HSD11B1L: variants seen among roughly 807,000 people sequenced by gnomAD.
HSD11B1L encodes the protein hydroxysteroid 11-beta dehydrogenase 1 like.
In HSD11B1L, 22 loss-of-function variants were observed where a neutral mutation model predicts 27.0. The observed-to-expected ratio is 0.81, with a 90% CI of 0.58 to 1.16. HSD11B1L has a LOEUF of 1.16. Among genes scored for constraint, HSD11B1L ranks in the 50% most tolerant of loss-of-function variants. HSD11B1L has a pLI of 0.00. For synonymous variants in HSD11B1L, 187 were observed against 189.2 expected, an observed-to-expected ratio of 0.99 and a Z score of 0.09; for missense variants, 372 against 401.8, an observed-to-expected ratio of 0.93 and a Z score of 0.63.
At chr19:5,681,344 G>A (rs2054538868) in intron 1 of HSD11B1L, 73 bp downstream of exon 1, 1 of 152,458 alleles carries the variant, frequency 6.6e-6, no homozygotes, top group East Asian at 1.9e-4. Context: ...AAGGCCCGCC[G>A]AGGTCAAGAA....
intron 3 of HSD11B1L, 103 bp from the exon 4 acceptor site, chr19:5,686,313 G>T (rs1039257609): frequency 2.7e-5 from 21 of 765,414 alleles, no homozygotes; most frequent in Non-Finnish European, 4.2e-5. Context: ...CTCAGAGTAG[G>T]GGGGGGTTTT....
chr19:5,684,236 G>A (rs541309659), intron 1 of HSD11B1L: 64 of 337,682 alleles, frequency 1.9e-4, no homozygotes, highest in East Asian at 1.3e-3. Flanking sequence ...GGCTGGTCTC[G>A]AACTCCTGAT....
chr19:5,685,426 A>C lies in HSD11B1L; in HGVS notation c.204+307A>C. 2.2e-6 allele frequency: 1 copy of C among 452,974 alleles called. No individual in the cohort carries two copies. Among genetic ancestry groups the C allele is most frequent in the Non-Finnish European group, 4.2e-6 (1 of 236,194 alleles). The allele number at this position is 452,974 out of a possible 1,614,324, so 28.1% of individuals were successfully genotyped here. A position where few individuals can be genotyped will look rare whatever the true frequency, so the allele number is the denominator to read the frequency against. On this transcript the variant is annotated intron_variant, in intron 3 of 7. Coordinates refer to ENST00000339423, the MANE Select transcript of HSD11B1L (RefSeq NM_198706.3). This position sits in a 1 kb window ranked among gnomAD's most constrained non-coding sequence, Gnocchi z 4.3. ...CCTGGTCTCTACTAAGAAGACAAAA[A>C]TTAGGCCAGGCATGGTGGCTCATGC...
At chr19:5,684,046 G>A (rs1214124802) in intron 1 of HSD11B1L, 5 of 485,512 alleles carry the variant, frequency 1.0e-5, no homozygotes, top group East Asian at 3.5e-5. Flanking sequence ...GCAAATCTCG[G>A]CACACTACAA....
chr19:5,681,793 A>G (rs1377556548), intron 1 of HSD11B1L, among the ~76,000 whole-genome samples: 2 of 151,902 alleles, frequency 1.3e-5, no homozygotes, highest in Non-Finnish European at 2.9e-5. Context: ...CCATCCATCT[A>G]TTCATCTGGC....
Position 5,687,357 on chromosome 19 carries a change from G to T in HSD11B1L, c.484G>T (p.Val162Leu), listed in dbSNP as rs747520012. ...GACGGACAGCAAGGGCTCCCTGGTG[G>T]TGGTGTCCTCGCTGCTCGGTGCGTG... Reference protein sequence around the residue: ...SLTDSKGSLVVVSSLLGRVPT... With the variant: ...SLTDSKGSLVLVSSLLGRVPT... The change falls in exon 6 of 8, where the codon GTG becomes TTG. Residue 162 changes from valine to leucine, a missense_variant. Physicochemically the swap from Val to Leu is conservative, Grantham distance 32 (BLOSUM62 1). Coordinates refer to ENST00000339423, the MANE Select transcript of HSD11B1L (RefSeq NM_198706.3). This position sits in a 1 kb window ranked among gnomAD's most constrained non-coding sequence, Gnocchi z 6.6. 1.9e-6 allele frequency: 3 copies of T among 1,612,472 alleles called. No homozygotes were observed. In the East Asian group the frequency reaches 6.7e-5, roughly 36 times the overall value.
Position 5,687,068 on chromosome 19 carries a change from T to A in HSD11B1L, c.408+77T>A. 4 of 1,339,538 alleles carry A rather than the reference T, an allele frequency of 3.0e-6. No individual in the cohort carries two copies. The highest frequency in any genetic ancestry group is 4.1e-6 in the Non-Finnish European group (4 of 973,766). 83.0% of individuals were successfully genotyped at this position (1,339,538 alleles called of 1,614,324 possible). A position where few individuals can be genotyped will look rare whatever the true frequency, so the allele number is the denominator to read the frequency against. ...GGTCCGTTCCCTTCGCGGTCCGGGT[T>A]CTGCCTTCTCCAGGGAGGGCTCTCC... is the stretch of plus-strand genomic sequence containing the variant. On this transcript the variant is annotated intron_variant, in intron 5 of 7. Transcript: ENST00000339423. The surrounding 1 kb of genome is among the most constrained non-coding windows in gnomAD (Gnocchi z 6.6).
At chr19:5,686,558 G>C (rs753305620) in intron 4 of HSD11B1L, 31 bp downstream of exon 4, 1 of 1,520,208 alleles carries the variant, frequency 6.6e-7, no homozygotes, top group Non-Finnish European at 8.9e-7. Context: ...CCTGGAGTCC[G>C]GGACCGTGGC....
intron 2 of HSD11B1L, 40 bp downstream of exon 2, chr19:5,684,945 C>T (rs1243479734): frequency 6.2e-7 from 1 of 1,612,572 alleles, no homozygotes; most frequent in East Asian, 2.2e-5. Flanking sequence ...ACCGGGCCAG[C>T]TGTCCTGTCC....
In HSD11B1L at chr19:5,687,694, G is replaced by A; in HGVS notation, c.668+26G>A. On this transcript the variant is annotated intron_variant, in intron 7 of 7. Transcript: ENST00000339423. This position sits in a 1 kb window ranked among gnomAD's most constrained non-coding sequence, Gnocchi z 6.6. ...GTGAGGCCCGGACAAGCTGGGGGCT[G>A]GGCTGGGGGCCATGGCCCAGCCCCA... The A allele has an allele frequency of 6.5e-7, 1 of 1,547,752 alleles. No homozygotes were observed. Among genetic ancestry groups the A allele is most frequent in the Non-Finnish European group, 8.7e-7 (1 of 1,151,594 alleles).
Position 5,687,107 on chromosome 19 carries a change from C to G in HSD11B1L, c.408+116C>G. ...GGAGGGCTCTCCACCCGTCCCGCCCCAGCCACGCCCCTCCTAGCCCAAGCC... is the reference window on the plus strand; with the variant it reads ...GGAGGGCTCTCCACCCGTCCCGCCCGAGCCACGCCCCTCCTAGCCCAAGCC... On this transcript the variant is annotated intron_variant, in intron 5 of 7. Coordinates refer to ENST00000339423, the MANE Select transcript of HSD11B1L (RefSeq NM_198706.3). The surrounding 1 kb of genome is among the most constrained non-coding windows in gnomAD (Gnocchi z 6.6). The G allele has an allele frequency of 8.7e-6, 10 of 1,143,358 alleles. No homozygotes were observed. Among genetic ancestry groups the G allele is most frequent in the Non-Finnish European group, 1.2e-5 (10 of 805,740 alleles). 70.8% of individuals were successfully genotyped at this position (1,143,358 alleles called of 1,614,324 possible). A position where few individuals can be genotyped will look rare whatever the true frequency, so the allele number is the denominator to read the frequency against.
rs2054766474 is a variant in HSD11B1L at position 5,688,364 on chromosome 19, T to G, written c.*419T>G. ...AGGAACCCCCCCAACTCCTGCCAGC[T>G]TCCCCTAGCTGGGGTCTCTGGTACT... On this transcript the variant is annotated 3_prime_UTR_variant, in exon 8 of 8. Coordinates refer to ENST00000339423, the MANE Select transcript of HSD11B1L (RefSeq NM_198706.3). The G allele has an allele frequency of 1.6e-6, 1 of 642,764 alleles. No individual in the cohort carries two copies. Among genetic ancestry groups the G allele is most frequent in the Non-Finnish European group, 2.7e-6 (1 of 376,682 alleles). The allele number at this position is 642,764 out of a possible 1,614,324, so 39.8% of individuals were successfully genotyped here.
At chr19:5,683,823 G>A (rs2054616584) in intron 1 of HSD11B1L, among the ~76,000 whole-genome samples, 1 of 152,034 alleles carries the variant, frequency 6.6e-6, no homozygotes, top group African/African-American at 2.4e-5. Flanking sequence ...GAGCCCAAGA[G>A]GTCCAGGCTG....
At position 5,684,840 on chromosome 19, in the gene HSD11B1L, T is replaced by C. The variant is rs1170176637; in HGVS notation, c.8T>C (p.Val3Ala). 1 of 1,613,752 alleles carries C rather than the reference T, an allele frequency of 6.2e-7. No individual in the cohort carries two copies. Among genetic ancestry groups the C allele is most frequent in the South Asian group, 1.1e-5 (1 of 91,088 alleles). ...GCAGGCCCACACAGGACCATGAAGG[T>C]GCTTCTCCTCACAGGGCTGGGGGCC... is the stretch of plus-strand genomic sequence containing the variant. Reference protein sequence around the residue: MKVLLLTGLGALF... With the variant: MKALLLTGLGALF... Residue 3 changes from valine (V) to alanine (A), a missense_variant, in exon 2 of 8, where the codon GTG becomes GCG. Coordinates refer to ENST00000339423, the MANE Select transcript of HSD11B1L (RefSeq NM_198706.3).
rs925980214 is a variant in HSD11B1L at position 5,687,448 on chromosome 19, G to A, written c.503-55G>A. On this transcript the variant is annotated intron_variant, in intron 6 of 7. Coordinates refer to ENST00000339423, the MANE Select transcript of HSD11B1L (RefSeq NM_198706.3). This position sits in a 1 kb window ranked among gnomAD's most constrained non-coding sequence, Gnocchi z 6.6. The stretch of plus-strand genomic sequence containing the variant: ...GATGCGGGTGAGCCTGGAGGGTCTG[G>A]GCAGGCTTCCCGGACGAGGGGGAGC... The A allele has an allele frequency of 3.1e-6, 5 of 1,592,746 alleles. No homozygotes were observed. Among genetic ancestry groups the A allele is most frequent in the Non-Finnish European group, 4.3e-6 (5 of 1,173,778 alleles).
intron 3 of HSD11B1L, 96 bp from the exon 4 acceptor site, chr19:5,686,319 GT>G: frequency 3.7e-6 from 3 of 817,244 alleles, no homozygotes; most frequent in African/African-American, 1.7e-5. Context: ...GTAGGGGGGG[GT>G]TTTCAGGCGG....
Position 5,688,392 on chromosome 19 carries a change from T to G in HSD11B1L, c.*447T>G, listed in dbSNP as rs2054766957. On this transcript the variant is annotated 3_prime_UTR_variant, in exon 8 of 8. Transcript: ENST00000339423. ...CCCTAGCTGGGGTCTCTGGTACTCT[T>G]CACACCTGCAGGGGCGTCTACACTG... The G allele has an allele frequency of 1.6e-6, 1 of 607,256 alleles. No homozygotes were observed. The allele number at this position is 607,256 out of a possible 1,614,324, so 37.6% of individuals were successfully genotyped here. A position where few individuals can be genotyped will look rare whatever the true frequency, so the allele number is the denominator to read the frequency against.
rs894974278 is a variant in HSD11B1L at position 5,687,213 on chromosome 19, T to C, written c.409-69T>C. The stretch of plus-strand genomic sequence containing the variant: ...CTCTGACCCGGCCCTGGCCCCGCCC[T>C]CTGGGTTTCTGGCCCCGCCCTGCCC... On this transcript the variant is annotated intron_variant, in intron 5 of 7. Transcript: ENST00000339423. This position sits in a 1 kb window ranked among gnomAD's most constrained non-coding sequence, Gnocchi z 6.6. The C allele has an allele frequency of 6.6e-7, 1 of 1,523,584 alleles. No individual in the cohort carries two copies. Among genetic ancestry groups the C allele is most frequent in the South Asian group, 1.1e-5 (1 of 87,692 alleles). The allele number at this position is 1,523,584 out of a possible 1,614,324, so 94.4% of individuals were successfully genotyped here.
chr19:5,687,283 TAA>T lies in HSD11B1L; in HGVS notation c.412_413del (p.Asn138LeufsTer179). 1 of 1,612,204 alleles carries T rather than the reference TAA, an allele frequency of 6.2e-7. No individual in the cohort carries two copies. Among genetic ancestry groups the T allele is most frequent in the Non-Finnish European group, 8.5e-7 (1 of 1,179,688 alleles). On this transcript the variant is annotated frameshift_variant and splice_region_variant, in exon 6 of 8. Coordinates refer to ENST00000339423, the MANE Select transcript of HSD11B1L (RefSeq NM_198706.3). LOFTEE classifies it high-confidence loss of function. This position sits in a 1 kb window ranked among gnomAD's most constrained non-coding sequence, Gnocchi z 6.6. The stretch of plus-strand genomic sequence containing the variant: ...GTGACTCGCGAGTGCCGCCTGCAGG[TAA>T]ACTTTGTGAGCTACGTGCAACTGAC...
Sources: allele counts gnomAD v4.1 joint callset (sites outside exome capture counted in the v4.1 genomes callset), GRCh38; gene constraint gnomAD v4.1.1; non-coding constraint Gnocchi (gnomAD v3.1); transcripts MANE v1.5; gene names NCBI Gene and HGNC (gene_info 2026-07-23, HGNC 2026-07-21).